C12orf42: variants seen among roughly 807,000 people sequenced by gnomAD.
C12orf42 encodes uncharacterized protein C12orf42.
In C12orf42, 25 loss-of-function variants were observed where a neutral mutation model predicts 21.6. The ratio of observed to expected loss-of-function variants is 1.16; its 90% CI spans 0.84 to 1.62. C12orf42 has a LOEUF of 1.62. C12orf42 is among the 40% of genes most tolerant of loss of function. The pLI, the probability that C12orf42 is intolerant of heterozygous loss-of-function variation, is 0.00. For synonymous variants in C12orf42, 174 were observed against 175.0 expected (o/e 0.99, Z 0.05); for missense variants, 483 against 459.3 (o/e 1.05, Z -0.47).
At chr12:103,141,553 G>T in the C12orf42 span, among the ~76,000 whole-genome samples, 4 of 137,734 alleles carry the variant, frequency 2.9e-5, no homozygotes, top group Non-Finnish European at 3.1e-5. Context: ...TTTTGAGACA[G>T]AGTTTTGCTC....
intron 10 of C12orf42, among the ~76,000 whole-genome samples, chr12:103,258,643 C>G (rs1418824312): frequency 6.6e-6 from 1 of 151,826 alleles, no homozygotes; most frequent in Non-Finnish European, 1.5e-5. Context: ...CCAAAAAAGT[C>G]CTGTATATAA....
chr12:103,493,722 C>CAAA (rs34431365), intron 1 of C12orf42, among the ~76,000 whole-genome samples: 7 of 103,670 alleles, frequency 6.8e-5, no homozygotes, highest in African/African-American at 1.9e-4. Context: ...AAAGGGGAGA[C>CAAA]AAAAAAAAAA....
intron 2 of C12orf42, among the ~76,000 whole-genome samples, chr12:103,429,821 C>G (rs1394588567): frequency 6.6e-6 from 1 of 152,144 alleles, no homozygotes; most frequent in Non-Finnish European, 1.5e-5. Context: ...TGCCACATAT[C>G]TACAACCATC....
downstream of C12orf42, among the ~76,000 whole-genome samples, chr12:103,265,800 T>TGTTTTGTTTG (rs1379843775): frequency 3.4e-5 from 1 of 29,256 alleles, no homozygotes; most frequent in Non-Finnish European, 5.7e-5. Context: ...TTTCTTAGGC[T>TGTTTTGTTTG]GTTTTGTTTT....
At chr12:103,156,270 C>T in the C12orf42 span, 6 of 151,908 alleles carry the variant, frequency 3.9e-5, no homozygotes, top group South Asian at 2.1e-4. Context: ...TATTTAAAGG[C>T]GAAAACAGAC....
intron 2 of C12orf42, among the ~76,000 whole-genome samples, chr12:103,468,691 A>C (rs1307268592): frequency 6.6e-6 from 1 of 152,158 alleles, no homozygotes; most frequent in Non-Finnish European, 1.5e-5. Context: ...AAAGTTGTGC[A>C]TAAGCCTGGA....
At chr12:103,466,729 G>A (rs928500132) in intron 2 of C12orf42, among the ~76,000 whole-genome samples, 3 of 152,116 alleles carry the variant, frequency 2.0e-5, no homozygotes, top group East Asian at 1.9e-4. Flanking sequence ...GCCATATAAC[G>A]TTGTGGCAAC....
At chr12:103,497,422 C>T (rs1955591277), upstream of C12orf42, among the ~76,000 whole-genome samples, 1 of 152,240 alleles carries the variant, frequency 6.6e-6, no homozygotes, top group Non-Finnish European at 1.5e-5. Context: ...GTCCAACCCT[C>T]CTATCTATAG....
intron 2 of C12orf42, among the ~76,000 whole-genome samples, chr12:103,425,731 C>T (rs1357663146): frequency 6.6e-6 from 1 of 151,800 alleles, no homozygotes; most frequent in African/African-American, 2.4e-5. Context: ...TGCTCTGTCC[C>T]AGGGAGATGG....
the C12orf42 span, among the ~76,000 whole-genome samples, chr12:103,202,112 T>C: frequency 6.6e-6 from 1 of 152,158 alleles, no homozygotes; most frequent in Non-Finnish European, 1.5e-5. Context: ...GATTAATCCA[T>C]CAAAATGCTT....
chr12:103,113,576 G>A, the C12orf42 span, among the ~76,000 whole-genome samples: 1 of 152,102 alleles, frequency 6.6e-6, no homozygotes, highest in African/African-American at 2.4e-5. Flanking sequence ...CAATTAAGGG[G>A]GTGCTACTGG....
chr12:103,091,671 A>G, the C12orf42 span, among the ~76,000 whole-genome samples: 1 of 152,312 alleles, frequency 6.6e-6, no homozygotes, highest in East Asian at 1.9e-4. Flanking sequence ...CTTGTTATTT[A>G]TGCATCAGTT....
chr12:103,218,067 G>T, the C12orf42 span, among the ~76,000 whole-genome samples: 3 of 152,140 alleles, frequency 2.0e-5, no homozygotes, highest in Admixed American at 2.0e-4. Flanking sequence ...GATTACCTGA[G>T]GTCAGGAGTT....
the C12orf42 span, among the ~76,000 whole-genome samples, chr12:103,064,102 A>G: frequency 6.6e-6 from 1 of 152,184 alleles, no homozygotes; most frequent in South Asian, 2.1e-4. Flanking sequence ...GGTGAAATGT[A>G]TTAGTCACTT....
chr12:103,379,055 G>C (rs1035900106), intron 3 of C12orf42, among the ~76,000 whole-genome samples: 5 of 151,894 alleles, frequency 3.3e-5, no homozygotes, highest in African/African-American at 1.2e-4. Context: ...AGAGAAGAAG[G>C]AGATACGTAG....
chr12:103,124,276 A>G, the C12orf42 span, among the ~76,000 whole-genome samples: 1 of 141,622 alleles, frequency 7.1e-6, no homozygotes, highest in Non-Finnish European at 1.5e-5. Flanking sequence ...GTCCCTCATT[A>G]TAGATGTATT....
chr12:103,290,838 C>T (rs907780893), intron 4 of C12orf42, among the ~76,000 whole-genome samples: 1 of 151,510 alleles, frequency 6.6e-6, no homozygotes, highest in Admixed American at 6.6e-5. Context: ...GTAGAATGGA[C>T]ATACAAAGTG....
intron 5 of C12orf42, among the ~76,000 whole-genome samples, chr12:103,271,102 G>C (rs1004582536): frequency 6.6e-6 from 1 of 152,058 alleles, no homozygotes; most frequent in Non-Finnish European, 1.5e-5. Flanking sequence ...TTATGTATCA[G>C]GCAACAGCTG....
At chr12:103,132,278 G>A in the C12orf42 span, among the ~76,000 whole-genome samples, 2 of 152,116 alleles carry the variant, frequency 1.3e-5, no homozygotes, top group South Asian at 4.1e-4. Context: ...AACACCTAAA[G>A]CAATGAAGGA....
Sources: gnomAD v4.1 joint callset for allele counts (sites outside exome capture counted in the v4.1 genomes callset) on GRCh38, gnomAD v4.1.1 for gene constraint, MANE v1.5 for transcripts, NCBI Gene and HGNC (gene_info 2026-07-23, HGNC 2026-07-21) for gene names.